The following PRELID2 variants were observed in gnomAD, a reference collection of about 807,000 sequenced individuals.
The protein encoded by PRELID2 is PRELI domain containing 2, also known as PRELI domain-containing protein 2.
A neutral mutation model predicts 28.4 loss-of-function variants in PRELID2; 25 were observed. That is an observed-to-expected ratio of 0.88 (90% CI 0.64 to 1.23). The LOEUF (loss-of-function observed/expected upper bound fraction) is 1.23, where lower values mean the gene tolerates loss of function less well. Ranked by LOEUF, PRELID2 falls within the 50% of genes most tolerant of loss-of-function variation. The probability of loss-of-function intolerance (pLI) is 0.00; values close to 1 mark genes in which losing one functional copy is unlikely to be tolerated. For missense variants in PRELID2, 201 were observed against 214.4 expected (o/e 0.94, Z 0.39); for synonymous variants, 76 against 71.6 (o/e 1.06, Z -0.31).
chr5:145,630,380 T>A (rs1448529901), intron 1 of PRELID2, among the ~76,000 whole-genome samples: 1 of 151,986 alleles, frequency 6.6e-6, no homozygotes, highest in East Asian at 1.9e-4. Flanking sequence ...TTTTAATGTA[T>A]ACCTTTTTGT....
intron 1 of PRELID2, among the ~76,000 whole-genome samples, chr5:145,497,614 T>G (rs1364200315): frequency 6.6e-6 from 1 of 152,094 alleles, no homozygotes; most frequent in East Asian, 1.9e-4. Flanking sequence ...ATTAGACAAG[T>G]AAGTGGAAAT....
chr5:145,331,728 G>T, the PRELID2 span, among the ~76,000 whole-genome samples: 23 of 152,060 alleles, frequency 1.5e-4, no homozygotes, highest in African/African-American at 5.3e-4. Flanking sequence ...TATCCAATTT[G>T]CCAGTCTGTG....
At chr5:145,564,067 A>T (rs1752945663) in intron 1 of PRELID2, among the ~76,000 whole-genome samples, 1 of 152,248 alleles carries the variant, frequency 6.6e-6, no homozygotes. Flanking sequence ...AAGAAAGCTC[A>T]AAAGCATTGA....
chr5:145,532,568 CCTCCT>C (rs2126662900), intron 1 of PRELID2, among the ~76,000 whole-genome samples: 1 of 152,110 alleles, frequency 6.6e-6, no homozygotes, highest in South Asian at 2.1e-4. Flanking sequence ...AGAATGTATT[CCTCCT>C]GTCTAACTGA....
At position 145,549,713 on chromosome 5, in the gene PRELID2, T is replaced by G. The variant is rs746323917; in HGVS notation, n.71-76398A>C. 2.0e-5 allele frequency among the ~76,000 whole-genome samples: 3 copies of G among 151,760 alleles called. No individual in the cohort carries two copies. In the East Asian group the frequency reaches 5.8e-4, roughly 30 times the overall value. ...GGGAGGCTGAGGCAGGAGAATGGCA[T>G]GAACCCAGGAGGCAGAGCTTCCAGT... On this transcript the variant is annotated intron_variant and non_coding_transcript_variant, in intron 1 of 2. Transcript: ENST00000510259.
At chr5:145,248,255 T>C in the PRELID2 span, among the ~76,000 whole-genome samples, 2 of 152,106 alleles carry the variant, frequency 1.3e-5, no homozygotes, top group Non-Finnish European at 2.9e-5. Context: ...AAGAGGCCCT[T>C]GGTAAAACGG....
chr5:145,651,180 C>T (rs996737267), intron 1 of PRELID2, among the ~76,000 whole-genome samples: 2 of 152,130 alleles, frequency 1.3e-5, no homozygotes, highest in Non-Finnish European at 2.9e-5. Flanking sequence ...AGTCTGAGAT[C>T]GAACTGCAAG....
At chr5:145,323,352 T>G in the PRELID2 span, among the ~76,000 whole-genome samples, 1 of 152,160 alleles carries the variant, frequency 6.6e-6, no homozygotes, top group Non-Finnish European at 1.5e-5. Context: ...GGATATGGCT[T>G]AGACTACAAG....
chr5:145,652,858 C>T (rs1017375035), intron 1 of PRELID2, among the ~76,000 whole-genome samples: 1 of 152,128 alleles, frequency 6.6e-6, no homozygotes, highest in Non-Finnish European at 1.5e-5. Context: ...GGCAAAATAA[C>T]CAGCTATCAT....
At chr5:145,391,742 T>A in the PRELID2 span, among the ~76,000 whole-genome samples, 3 of 152,016 alleles carry the variant, frequency 2.0e-5, no homozygotes, top group African/African-American at 7.2e-5. Flanking sequence ...CTTTATGCTC[T>A]GCTTCTTCTT....
chr5:145,651,933 G>T (rs1236634958), intron 1 of PRELID2, among the ~76,000 whole-genome samples: 4 of 152,226 alleles, frequency 2.6e-5, no homozygotes, highest in South Asian at 2.1e-4. Context: ...AGAGATAAAG[G>T]CTTCAGAAGA....
chr5:145,531,365 ATTG>A (rs1358321837), intron 1 of PRELID2, among the ~76,000 whole-genome samples: 2 of 152,148 alleles, frequency 1.3e-5, no homozygotes, highest in Non-Finnish European at 2.9e-5. Context: ...GTGAGAGGTA[ATTG>A]TTGTTTACTT....
chr5:145,441,070 C>T, the PRELID2 span: 2 of 152,040 alleles, frequency 1.3e-5, no homozygotes, highest in African/African-American at 2.4e-5. Context: ...GAAATCTCAC[C>T]TTCTTGCAAA....
intron 1 of PRELID2, among the ~76,000 whole-genome samples, chr5:145,576,016 T>A (rs150871835): frequency 6.6e-6 from 1 of 152,160 alleles, no homozygotes; most frequent in Non-Finnish European, 1.5e-5. Flanking sequence ...CTTCTAGACA[T>A]CACTTCTTCA....
chr5:145,311,454 TG>T, the PRELID2 span, among the ~76,000 whole-genome samples: 1 of 152,178 alleles, frequency 6.6e-6, no homozygotes, highest in East Asian at 1.9e-4. Context: ...TCACCAATTG[TG>T]TAATCAGTCC....
chr5:145,628,231 C>A (rs1355875649), intron 1 of PRELID2, among the ~76,000 whole-genome samples: 1 of 152,140 alleles, frequency 6.6e-6, no homozygotes, highest in Non-Finnish European at 1.5e-5. Context: ...CCCCAACTCC[C>A]AAACCCATCT....
At chr5:145,298,510 A>C in the PRELID2 span, among the ~76,000 whole-genome samples, 1 of 152,182 alleles carries the variant, frequency 6.6e-6, no homozygotes, top group Non-Finnish European at 1.5e-5. Context: ...CAGTTTTAAG[A>C]GGAGGGATTT....
chr5:145,657,730 G>A (rs1172285263), intron 1 of PRELID2, among the ~76,000 whole-genome samples: 1 of 152,108 alleles, frequency 6.6e-6, no homozygotes, highest in Non-Finnish European at 1.5e-5. Context: ...AAGTGCTAAC[G>A]AATACATCAG....
the PRELID2 span, among the ~76,000 whole-genome samples, chr5:145,263,930 A>G: frequency 2.0e-5 from 3 of 151,558 alleles, no homozygotes; most frequent in Admixed American, 6.6e-5. Flanking sequence ...TCTCTCTGTC[A>G]CCCAGCCTGG....
Sources: gnomAD v4.1 joint callset for allele counts (sites outside exome capture counted in the v4.1 genomes callset) on GRCh38, gnomAD v4.1.1 for gene constraint, MANE v1.5 for transcripts, NCBI Gene and HGNC (gene_info 2026-07-23, HGNC 2026-07-21) for gene names.